TMEM117: variants seen among roughly 807,000 people sequenced by gnomAD.
TMEM117 encodes transmembrane protein 117.
TMEM117 carries 27 observed loss-of-function variants against 52.4 expected under a neutral mutation model. That is an observed-to-expected ratio of 0.51 (90% CI 0.38 to 0.71). TMEM117 has a LOEUF of 0.71. Among genes scored for constraint, TMEM117 ranks in the 30% least tolerant of loss-of-function variants. The pLI, the probability that TMEM117 is intolerant of heterozygous loss-of-function variation, is 0.00. For synonymous variants in TMEM117, 215 were observed against 206.3 expected (o/e 1.04, Z -0.36); for missense variants, 556 against 630.5 (o/e 0.88, Z 1.26).
At chr12:43,865,002 G>A (rs368423797) in intron 2 of TMEM117, among the ~76,000 whole-genome samples, 1 of 151,954 alleles carries the variant, frequency 6.6e-6, no homozygotes, top group Non-Finnish European at 1.5e-5. Context: ...AACACTCACC[G>A]TGAAGGTCTG....
intron 3 of TMEM117, among the ~76,000 whole-genome samples, chr12:43,985,201 C>T (rs1415388113): frequency 3.3e-5 from 5 of 152,054 alleles, no homozygotes; most frequent in South Asian, 2.1e-4. Context: ...CCGTTATCTT[C>T]TGTGCTCACC....
At chr12:44,006,848 A>T (rs1370331201) in intron 3 of TMEM117, among the ~76,000 whole-genome samples, 1 of 152,188 alleles carries the variant, frequency 6.6e-6, no homozygotes, top group Non-Finnish European at 1.5e-5. Context: ...GAAGCATAAG[A>T]TGTATCTCTC....
chr12:44,029,373 C>T (rs956262117), intron 3 of TMEM117, among the ~76,000 whole-genome samples: 1 of 152,184 alleles, frequency 6.6e-6, no homozygotes. Flanking sequence ...CTATGGTAAG[C>T]CTAATCCTTA....
chr12:43,927,481 TGAGA>T (rs1009794497), intron 2 of TMEM117, among the ~76,000 whole-genome samples: 1 of 151,490 alleles, frequency 6.6e-6, no homozygotes, highest in African/African-American at 2.4e-5. Context: ...ACTTATTAAA[TGAGA>T]GAGGAATGCT....
chr12:44,364,493 T>C (rs1951764155), intron 6 of TMEM117, among the ~76,000 whole-genome samples: 1 of 152,128 alleles, frequency 6.6e-6, no homozygotes, highest in Non-Finnish European at 1.5e-5. Flanking sequence ...CATTACAGAT[T>C]AGTTTTTAAT....
chr12:43,981,458 C>T (rs1281313285), intron 3 of TMEM117, among the ~76,000 whole-genome samples: 1 of 152,158 alleles, frequency 6.6e-6, no homozygotes, highest in Non-Finnish European at 1.5e-5. Flanking sequence ...TTAATATAAG[C>T]AATAACTTTT....
chr12:44,203,281 G>A (rs749519222), intron 4 of TMEM117, among the ~76,000 whole-genome samples: 2 of 152,142 alleles, frequency 1.3e-5, no homozygotes, highest in Non-Finnish European at 2.9e-5. Context: ...AGGTTCTTCT[G>A]TATTTCTGTG....
In TMEM117 at chr12:44,195,889, A is replaced by AAAATAAAT. The variant is rs71091196; in HGVS notation, c.511-15358_511-15351dup. ...TGCAACATAGCAAGACCCTGTCTCT[A>AAAATAAAT]AAATAAATAAATAAATAAATAAATA... On this transcript the variant is annotated intron_variant, in intron 4 of 7. Coordinates refer to ENST00000266534, the MANE Select transcript of TMEM117 (RefSeq NM_032256.3). Among the ~76,000 whole-genome samples the AAAATAAAT allele has an allele frequency of 1.6e-3, 223 of 136,588 alleles. 1 individual carries two copies. In the Middle Eastern group the frequency reaches 0.022, roughly 14 times the overall value. 89.6% of individuals were successfully genotyped at this position (136,588 alleles called of 152,430 possible).
At chr12:44,394,773 G>A in the TMEM117 span, among the ~76,000 whole-genome samples, 19 of 152,140 alleles carry the variant, frequency 1.2e-4, no homozygotes, top group Admixed American at 6.6e-5. Flanking sequence ...ACATGCACCT[G>A]AGCCCCTGCA....
At chr12:43,926,114 T>C (rs1944775049) in intron 2 of TMEM117, among the ~76,000 whole-genome samples, 1 of 152,242 alleles carries the variant, frequency 6.6e-6, no homozygotes, top group South Asian at 2.1e-4. Context: ...GTCTTATATA[T>C]CTTGAAGTTA....
intron 3 of TMEM117, among the ~76,000 whole-genome samples, chr12:44,111,794 G>A (rs1259023101): frequency 1.6e-4 from 22 of 141,694 alleles, no homozygotes; most frequent in Non-Finnish European, 2.4e-4. Context: ...TCTGTCTAAC[G>A]TTGACAGTGG....
chr12:43,822,479 CTT>C, the TMEM117 span, among the ~76,000 whole-genome samples: 103 of 134,666 alleles, frequency 7.6e-4, 1 homozygote, highest in African/African-American at 1.4e-3. Context: ...CTTTAAATAT[CTT>C]TTTTTTTTTT....
At chr12:44,160,002 CA>C (rs1948877232) in intron 4 of TMEM117, among the ~76,000 whole-genome samples, 1 of 152,118 alleles carries the variant, frequency 6.6e-6, no homozygotes, top group Non-Finnish European at 1.5e-5. Context: ...GATGAAAGCA[CA>C]AAGACCCTGG....
chr12:44,125,401 C>T (rs968306120), intron 3 of TMEM117, among the ~76,000 whole-genome samples: 2 of 152,184 alleles, frequency 1.3e-5, no homozygotes, highest in Non-Finnish European at 2.9e-5. Context: ...GCCACTGCGC[C>T]CGGCCTGGGA....
intron 3 of TMEM117, among the ~76,000 whole-genome samples, chr12:44,062,123 A>G (rs1201136802): frequency 6.6e-6 from 1 of 152,202 alleles, no homozygotes; most frequent in Non-Finnish European, 1.5e-5. Context: ...CTAAGATTTA[A>G]AGAAGGCAAA....
chr12:44,134,909 A>G (rs975903697), intron 3 of TMEM117, among the ~76,000 whole-genome samples: 1 of 152,162 alleles, frequency 6.6e-6, no homozygotes, highest in African/African-American at 2.4e-5. Flanking sequence ...ATGGAATCCA[A>G]AGTGCTGGTA....
chr12:44,078,013 A>G (rs1947410108), intron 3 of TMEM117, among the ~76,000 whole-genome samples: 1 of 152,188 alleles, frequency 6.6e-6, no homozygotes, highest in African/African-American at 2.4e-5. Flanking sequence ...ACAAGCAAGT[A>G]ACTCAAAAGA....
intron 2 of TMEM117, among the ~76,000 whole-genome samples, chr12:43,919,673 A>T (rs919342669): frequency 2.2e-4 from 33 of 152,076 alleles, no homozygotes; most frequent in Non-Finnish European, 4.4e-5. Context: ...GAAATTCAAT[A>T]GCTAGGTCAT....
chr12:44,003,304 G>A (rs1946143529), intron 3 of TMEM117, among the ~76,000 whole-genome samples: 1 of 152,146 alleles, frequency 6.6e-6, no homozygotes, highest in African/African-American at 2.4e-5. Context: ...TTGTCTGCTG[G>A]GAGGGAAAGA....
Sources: gnomAD v4.1 joint callset for allele counts (sites outside exome capture counted in the v4.1 genomes callset) on GRCh38, gnomAD v4.1.1 for gene constraint, MANE v1.5 for transcripts, NCBI Gene and HGNC (gene_info 2026-07-23, HGNC 2026-07-21) for gene names.